GLE1: variants seen among roughly 807,000 people sequenced by gnomAD.
GLE1 encodes mRNA export factor GLE1.
A neutral mutation model predicts 97.3 loss-of-function variants in GLE1; 78 were observed. That is an observed-to-expected ratio of 0.80 (90% CI 0.67 to 0.97). The LOEUF (loss-of-function observed/expected upper bound fraction) is 0.97. Ranked by LOEUF, GLE1 falls within the 50% of genes least tolerant of loss-of-function variation. GLE1 has a pLI of 0.00. For missense variants in GLE1, 753 were observed against 857.5 expected (o/e 0.88, Z 1.52); for synonymous variants, 302 against 313.4 (o/e 0.96, Z 0.39).
intron 2 of GLE1, among the ~76,000 whole-genome samples, chr9:128,511,904 C>G (rs1434542151): frequency 6.6e-6 from 1 of 151,982 alleles, no homozygotes; most frequent in African/African-American, 2.4e-5. Flanking sequence ...CTCCGCCTCC[C>G]AGGTTCAAGT....
intron 11 of GLE1, among the ~76,000 whole-genome samples, chr9:128,535,350 G>A (rs945037012): frequency 1.3e-4 from 20 of 151,694 alleles, no homozygotes; most frequent in African/African-American, 4.6e-4. Flanking sequence ...GGGAAAACCC[G>A]TTTCTACTAA....
intron 9 of GLE1, among the ~76,000 whole-genome samples, chr9:128,532,073 A>G (rs1847530316): frequency 1.3e-5 from 2 of 150,770 alleles, no homozygotes; most frequent in Non-Finnish European, 3.0e-5. Context: ...GAATGACAGG[A>G]TATTTCTGAA....
rs375373350 is a variant in GLE1, at chr9:128,508,971, T to G, written c.195T>G (p.Pro65=). Residue 65 remains proline (P), a synonymous_variant, in exon 2 of 16, where the codon CCT becomes CCG. Transcript: ENST00000309971. ...HVLPHMQENQ[P]LSETSPSSTS... ...TACCCCATATGCAGGAGAACCAACC[T>G]CTGTCTGAGACTTCGCCATCCTCTA... 2 of 1,611,560 alleles carry G rather than the reference T, an allele frequency of 1.2e-6. No homozygotes were observed. The highest frequency in any genetic ancestry group is 1.7e-6 in the Non-Finnish European group (2 of 1,177,684).
intron 11 of GLE1, among the ~76,000 whole-genome samples, chr9:128,535,009 G>A (rs549989496): frequency 2.6e-5 from 4 of 151,860 alleles, no homozygotes; most frequent in South Asian, 2.1e-4. Flanking sequence ...GAGCCACCAC[G>A]CCCGGCCTGT....
At chr9:128,536,593 G>T (rs1285369297) in intron 12 of GLE1, 109 bp downstream of exon 12, 4 of 986,730 alleles carry the variant, frequency 4.1e-6, no homozygotes, top group Non-Finnish European at 6.4e-6. Flanking sequence ...CTAGTTAAAG[G>T]ATAAACTATA....
intron 3 of GLE1, among the ~76,000 whole-genome samples, chr9:128,517,099 G>A (rs993849698): frequency 6.6e-6 from 1 of 151,806 alleles, no homozygotes; most frequent in Non-Finnish European, 1.5e-5. Flanking sequence ...AGACTGGCCT[G>A]GCCAACATGG....
intron 12 of GLE1, 196 bp downstream of exon 12, chr9:128,536,680 A>T (rs1375940595): frequency 1.9e-6 from 1 of 534,632 alleles, no homozygotes; most frequent in Non-Finnish European, 3.4e-6. Context: ...TGGTACTTTA[A>T]AGAGCTGGTT....
chr9:128,510,045 C>T (rs1401201765), intron 2 of GLE1, among the ~76,000 whole-genome samples: 3 of 151,934 alleles, frequency 2.0e-5, no homozygotes, highest in Non-Finnish European at 4.4e-5. Flanking sequence ...TATACGTGAA[C>T]ATGTCTTCTT....
At chr9:128,516,312 T>G (rs1846985841) in intron 3 of GLE1, among the ~76,000 whole-genome samples, 1 of 151,574 alleles carries the variant, frequency 6.6e-6, no homozygotes, top group African/African-American at 2.4e-5. Flanking sequence ...TTTATTTGAT[T>G]GTATTTTGTT....
chr9:128,541,060 T>C, intron 15 of GLE1, 42 bp from the exon 16 acceptor site: 1 of 1,065,324 alleles, frequency 9.4e-7, no homozygotes, highest in Non-Finnish European at 1.5e-6. Flanking sequence ...GGAACACTGT[T>C]ATCAGAAACT....
chr9:128,520,528 A>C (rs1167861307), intron 3 of GLE1, among the ~76,000 whole-genome samples: 1 of 151,654 alleles, frequency 6.6e-6, no homozygotes, highest in Non-Finnish European at 1.5e-5. Context: ...GAAGACAGCA[A>C]GAGTTGACTG....
intron 2 of GLE1, among the ~76,000 whole-genome samples, chr9:128,511,527 C>G (rs1025849353): frequency 1.1e-4 from 16 of 150,900 alleles, no homozygotes; most frequent in Non-Finnish European, 2.1e-4. Flanking sequence ...CTAACACGGT[C>G]AAACCCCTTC....
At chr9:128,514,941 C>A (rs971647272) in intron 2 of GLE1, among the ~76,000 whole-genome samples, 1 of 152,082 alleles carries the variant, frequency 6.6e-6, no homozygotes, top group Non-Finnish European at 1.5e-5. Context: ...CTTAGCCTGC[C>A]TCCTCAGTAG....
intron 9 of GLE1, among the ~76,000 whole-genome samples, chr9:128,530,589 G>A (rs1295161434): frequency 6.6e-6 from 1 of 152,144 alleles, no homozygotes; most frequent in Non-Finnish European, 1.5e-5. Flanking sequence ...ATGAATAGGA[G>A]GGAAGGATCA....
intron 3 of GLE1, among the ~76,000 whole-genome samples, chr9:128,517,994 TA>T (rs1847034676): frequency 6.6e-6 from 1 of 152,192 alleles, no homozygotes; most frequent in South Asian, 2.1e-4. Flanking sequence ...TTATTGCTAG[TA>T]ATCAGATCAG....
intron 9 of GLE1, among the ~76,000 whole-genome samples, chr9:128,528,370 C>G (rs903646849): frequency 2.7e-5 from 4 of 146,888 alleles, no homozygotes; most frequent in Non-Finnish European, 4.5e-5. Context: ...GTGGCGCAAT[C>G]TCGGCTCACT....
chr9:128,536,454 G>A lies in GLE1; in HGVS notation c.1746G>A (p.Gln582=). The A allele has an allele frequency of 6.2e-7, 1 of 1,614,036 alleles. No homozygotes were observed. Among genetic ancestry groups the A allele is most frequent in the Non-Finnish European group, 8.5e-7 (1 of 1,179,904 alleles). ...GMIRLYAAII[Q]LRWPYGNRQE... is the part of the protein sequence containing the mutation. ...TCCGTCTCTACGCTGCTATCATCCA[G>A]CTCCGGTGGCCATATGGAAACCGAC... Residue 582 remains glutamine (Q), a synonymous_variant, in exon 12 of 16, where the codon CAG becomes CAA. Coordinates refer to ENST00000309971, the MANE Select transcript of GLE1 (RefSeq NM_001003722.2).
chr9:128,539,863 G>C (rs954522157), intron 14 of GLE1, 165 bp downstream of exon 14: 33 of 1,517,598 alleles, frequency 2.2e-5, no homozygotes, highest in Non-Finnish European at 2.8e-5. Flanking sequence ...TTGAATAAAT[G>C]CTTTTGAACC....
At chr9:128,529,687 CCTCTCT>C (rs371665128) in intron 9 of GLE1, among the ~76,000 whole-genome samples, 1 of 151,128 alleles carries the variant, frequency 6.6e-6, no homozygotes, top group Non-Finnish European at 1.5e-5. Flanking sequence ...ACTACCCTTT[CCTCTCT>C]CTCTCTCCCT....
Sources: allele counts gnomAD v4.1 joint callset (sites outside exome capture counted in the v4.1 genomes callset), GRCh38; gene constraint gnomAD v4.1.1; transcripts MANE v1.5; gene names NCBI Gene and HGNC (gene_info 2026-07-23, HGNC 2026-07-21).